Variants in ANKIB1 observed in about 807,000 individuals in gnomAD.
ANKIB1 encodes the protein ankyrin repeat and IBR domain containing 1.
A neutral mutation model predicts 122.1 loss-of-function variants in ANKIB1; 43 were observed. The observed-to-expected ratio is 0.35, with a 90% CI of 0.28 to 0.45. The LOEUF is 0.45. ANKIB1 is among the 20% of genes least tolerant of loss of function. ANKIB1 has a pLI of 1.00. For synonymous variants in ANKIB1, 390 were observed against 442.0 expected (o/e 0.88, Z 1.48); for missense variants, 992 against 1,329.5 (o/e 0.75, Z 3.95).
chr7:92,342,053 G>GAA (rs532767911), intron 5 of ANKIB1, among the ~76,000 whole-genome samples: 1 of 143,804 alleles, frequency 7.0e-6, no homozygotes, highest in African/African-American at 2.5e-5. Flanking sequence ...TAATATAGTT[G>GAA]AAAAAAAAAA....
At chr7:92,390,575 A>G (rs1208913631) in intron 15 of ANKIB1, among the ~76,000 whole-genome samples, 1 of 152,230 alleles carries the variant, frequency 6.6e-6, no homozygotes, top group African/African-American at 2.4e-5. Flanking sequence ...ATAGCCAAAT[A>G]ACTTCATTGT....
chr7:92,319,889 C>A, intron 4 of ANKIB1: 1 of 162,792 alleles, frequency 6.1e-6, no homozygotes, highest in Non-Finnish European at 1.3e-5. Context: ...GAGCTATGAT[C>A]ATGCCAGGAC....
intron 1 of ANKIB1, among the ~76,000 whole-genome samples, chr7:92,277,772 C>T (rs1397487117): frequency 1.3e-5 from 2 of 151,280 alleles, no homozygotes; most frequent in African/African-American, 4.9e-5. Context: ...CATAGGGAGA[C>T]CTCTTCTCTA....
chr7:92,311,651 A>T (rs1802691628), intron 3 of ANKIB1, among the ~76,000 whole-genome samples: 1 of 152,110 alleles, frequency 6.6e-6, no homozygotes. Context: ...ATTTTGTACC[A>T]TAGAAATAAA....
Position 92,399,772 on chromosome 7 carries a change from T to C in ANKIB1, c.*823T>C, listed in dbSNP as rs1804979643. 1 of 152,230 alleles carries C rather than the reference T, an allele frequency of 6.6e-6. No homozygotes were observed. Among genetic ancestry groups the C allele is most frequent in the African/African-American group, 2.4e-5 (1 of 41,468 alleles). 9.4% of individuals were successfully genotyped at this position (152,230 alleles called of 1,614,324 possible). On this transcript the variant is annotated 3_prime_UTR_variant, in exon 20 of 20. Coordinates refer to ENST00000265742, the MANE Select transcript of ANKIB1 (RefSeq NM_019004.2). Reference sequence around the variant, plus strand: ...AACCTAATGCTGCTGTTAAAAACAGTTTATTTTAATATTAAAATACAGTTG... The same window carrying C: ...AACCTAATGCTGCTGTTAAAAACAGCTTATTTTAATATTAAAATACAGTTG...
intron 7 of ANKIB1, among the ~76,000 whole-genome samples, chr7:92,347,477 T>C (rs1803565713): frequency 6.6e-6 from 1 of 152,078 alleles, no homozygotes; most frequent in African/African-American, 2.4e-5. Flanking sequence ...TAGTGGCACA[T>C]GTCTGTAGTC....
At chr7:92,389,908 T>A in intron 14 of ANKIB1, 63 bp from the exon 15 acceptor site, 2 of 1,491,694 alleles carry the variant, frequency 1.3e-6, no homozygotes, top group Non-Finnish European at 1.8e-6. Context: ...AATCATTGTT[T>A]AATTAATATT....
chr7:92,345,516 C>T (rs371026708), intron 7 of ANKIB1, among the ~76,000 whole-genome samples: 1 of 152,214 alleles, frequency 6.6e-6, no homozygotes, highest in East Asian at 1.9e-4. Context: ...AATGTTTCAG[C>T]GAGACATAGT....
At chr7:92,309,962 T>TATATATATAA (rs1030276754) in intron 3 of ANKIB1, among the ~76,000 whole-genome samples, 28 of 139,402 alleles carry the variant, frequency 2.0e-4, no homozygotes, top group African/African-American at 7.5e-4. Context: ...TATATATATA[T>TATATATATAA]AAATTAAATG....
At chr7:92,341,251 A>C (rs1018832152) in intron 5 of ANKIB1, among the ~76,000 whole-genome samples, 12 of 151,752 alleles carry the variant, frequency 7.9e-5, no homozygotes, top group Admixed American at 3.9e-4. Context: ...CAGAGGCTGC[A>C]GTGAGCCAAG....
intron 5 of ANKIB1, among the ~76,000 whole-genome samples, chr7:92,340,954 A>G (rs1562787064): frequency 6.6e-6 from 1 of 152,200 alleles, no homozygotes; most frequent in Non-Finnish European, 1.5e-5. Flanking sequence ...AAAGAACTGT[A>G]ACACCCATTG....
intron 6 of ANKIB1, among the ~76,000 whole-genome samples, 156 bp from the exon 7 acceptor site, chr7:92,344,822 G>A (rs906644475): frequency 7.9e-5 from 12 of 152,054 alleles, no homozygotes; most frequent in African/African-American, 2.4e-4. Flanking sequence ...GTTACTGAAA[G>A]GCACACTAAC....
chr7:92,283,614 C>T (rs1401326900), intron 1 of ANKIB1, among the ~76,000 whole-genome samples: 1 of 152,074 alleles, frequency 6.6e-6, no homozygotes, highest in Non-Finnish European at 1.5e-5. Context: ...TCATGTGCCA[C>T]ATAACAATAT....
intron 15 of ANKIB1, among the ~76,000 whole-genome samples, chr7:92,390,404 T>C (rs1158905151): frequency 6.6e-6 from 1 of 152,144 alleles, no homozygotes; most frequent in Non-Finnish European, 1.5e-5. Context: ...AAATCAGGCA[T>C]ATTTCTGATT....
intron 1 of ANKIB1, among the ~76,000 whole-genome samples, chr7:92,255,313 G>C (rs762703358): frequency 6.6e-6 from 1 of 152,136 alleles, no homozygotes; most frequent in Non-Finnish European, 1.5e-5. Flanking sequence ...ATCATGTTCA[G>C]CGGCCACAGA....
At chr7:92,278,994 G>A (rs1034442671) in intron 1 of ANKIB1, among the ~76,000 whole-genome samples, 2 of 152,178 alleles carry the variant, frequency 1.3e-5, no homozygotes, top group South Asian at 2.1e-4. Flanking sequence ...ACTAGAGACC[G>A]CTTATGTGAA....
intron 3 of ANKIB1, 95 bp from the exon 4 acceptor site, chr7:92,319,235 G>A (rs1172092987): frequency 3.9e-6 from 3 of 769,026 alleles, no homozygotes; most frequent in Admixed American, 3.1e-5. Flanking sequence ...CATTTTTGTT[G>A]TGTTAATTTT....
intron 9 of ANKIB1, among the ~76,000 whole-genome samples, 144 bp from the exon 10 acceptor site, chr7:92,362,033 ACTCCTGAC>A (rs1418312703): frequency 6.6e-6 from 1 of 150,578 alleles, no homozygotes; most frequent in East Asian, 2.0e-4. Flanking sequence ...CTGGTCTCGA[ACTCCTGAC>A]CTCAGGTGAT....
chr7:92,282,796 A>G (rs1332416745), intron 1 of ANKIB1, among the ~76,000 whole-genome samples: 1 of 152,216 alleles, frequency 6.6e-6, no homozygotes, highest in Non-Finnish European at 1.5e-5. Context: ...ACTGCCTATG[A>G]AAATTTTCAG....
Sources: allele counts gnomAD v4.1 joint callset (sites outside exome capture counted in the v4.1 genomes callset), GRCh38; gene constraint gnomAD v4.1.1; transcripts MANE v1.5; gene names NCBI Gene and HGNC (gene_info 2026-07-23, HGNC 2026-07-21).